AGBL1: variants seen among roughly 807,000 people sequenced by gnomAD.
AGBL1 encodes the protein AGBL carboxypeptidase 1, also known as cytosolic carboxypeptidase 4.
A neutral mutation model predicts 118.9 loss-of-function variants in AGBL1; 130 were observed. The ratio of observed to expected loss-of-function variants is 1.09; its 90% confidence interval spans 0.95 to 1.26. The LOEUF (loss-of-function observed/expected upper bound fraction) is 1.26, where lower values mean the gene tolerates loss of function less well. Among genes scored for constraint, AGBL1 ranks in the 50% most tolerant of loss-of-function variants. The probability of loss-of-function intolerance (pLI) is 0.00; values close to 1 mark genes in which losing one functional copy is unlikely to be tolerated. For missense variants in AGBL1, 1,584 were observed against 1,298.1 expected (o/e 1.22, Z -3.38); for synonymous variants, 555 against 478.9 (o/e 1.16, Z -2.08).
rs548494701 is a variant in AGBL1 at position 86,263,140 on chromosome 15, G to A, written c.1086+246G>A. On this transcript the variant is annotated intron_variant, in intron 10 of 22. Coordinates refer to ENST00000614907, the MANE Select transcript of AGBL1 (RefSeq NM_001386094.1). ...ACCTTACACTTAGGATGGATACAAG[G>A]TCATGTGCTGCATAATGACATTTCC... 3.3e-5 allele frequency among the ~76,000 whole-genome samples: 5 copies of A among 152,298 alleles called. No individual in the cohort carries two copies. The South Asian group carries it at 1.0e-3, about 32-fold the overall frequency.
intron 5 of AGBL1, among the ~76,000 whole-genome samples, chr15:86,177,865 C>T (rs1194674292): frequency 6.6e-6 from 1 of 151,346 alleles, no homozygotes; most frequent in East Asian, 1.9e-4. Context: ...ACCTCAGCTT[C>T]CACCATAAGA....
At chr15:86,356,363 C>G (rs960501805) in intron 17 of AGBL1, among the ~76,000 whole-genome samples, 1 of 148,962 alleles carries the variant, frequency 6.7e-6, no homozygotes, top group Non-Finnish European at 1.5e-5. Context: ...TGTGCGCGTG[C>G]GCCCGCACGC....
intron 5 of AGBL1, among the ~76,000 whole-genome samples, chr15:86,185,839 G>A (rs1249599939): frequency 6.6e-6 from 1 of 152,064 alleles, no homozygotes; most frequent in Non-Finnish European, 1.5e-5. Context: ...ACACCAACAT[G>A]GCACATGTAT....
rs189670050 is a variant in AGBL1 at position 86,471,068 on chromosome 15, G to A, written c.2556-51742G>A. Reference sequence around the variant, plus strand: ...AGGACTTCCAGTACTATACTGAATAGGAGTAGTGAGAGAGGGCATCCTTGC... The same window carrying A: ...AGGACTTCCAGTACTATACTGAATAAGAGTAGTGAGAGAGGGCATCCTTGC... On this transcript the variant is annotated intron_variant, in intron 18 of 22. Transcript: ENST00000614907. 5.8e-3 allele frequency among the ~76,000 whole-genome samples: 887 copies of A among 152,180 alleles called. 2 individuals carry two copies. Among genetic ancestry groups the A allele is most frequent in the Middle Eastern group, 0.037 (11 of 294 alleles).
chr15:86,404,861 A>T (rs1354423470), intron 18 of AGBL1, among the ~76,000 whole-genome samples: 1 of 152,170 alleles, frequency 6.6e-6, no homozygotes, highest in Non-Finnish European at 1.5e-5. Flanking sequence ...GTGTGTAGTC[A>T]ATAAGTGTGT....
At chr15:86,302,747 C>CCAG (rs1410656654) in intron 17 of AGBL1, among the ~76,000 whole-genome samples, 1 of 146,130 alleles carries the variant, frequency 6.8e-6, no homozygotes, top group Non-Finnish European at 1.5e-5. Context: ...CCACTGCACT[C>CCAG]CAGCCTGGAT....
At chr15:86,499,852 A>G (rs1470330994) in intron 18 of AGBL1, among the ~76,000 whole-genome samples, 1 of 151,936 alleles carries the variant, frequency 6.6e-6, no homozygotes, top group Admixed American at 6.6e-5. Context: ...CAGCAGAAAC[A>G]TTCTATTGTT....
chr15:86,960,818 G>A (rs918734493), intron 23 of AGBL1, among the ~76,000 whole-genome samples: 3 of 152,052 alleles, frequency 2.0e-5, no homozygotes, highest in African/African-American at 7.2e-5. Flanking sequence ...ATTATGCTAA[G>A]TGAAATAAGC....
In AGBL1 at chr15:86,352,271, G is replaced by T. The variant is rs1197840615; in HGVS notation, c.2375-45095G>T. 2.0e-5 allele frequency among the ~76,000 whole-genome samples: 3 copies of T among 152,262 alleles called. No individual in the cohort carries two copies. The East Asian group carries it at 5.8e-4, about 29-fold the overall frequency. On this transcript the variant is annotated intron_variant, in intron 17 of 22. Transcript: ENST00000614907. ...CTGAGAGATGAACTCTGACCAACTA[G>T]AAACAGAAGACAGGAAAGATACAGT...
At chr15:86,717,622 G>T (rs1484158540) in intron 22 of AGBL1, among the ~76,000 whole-genome samples, 1 of 152,124 alleles carries the variant, frequency 6.6e-6, no homozygotes, top group Non-Finnish European at 1.5e-5. Context: ...AGTAGCCTTA[G>T]CCAAGTAGAA....
chr15:86,224,908 C>G lies in AGBL1; in HGVS notation c.489-6C>G, dbSNP rs1470667194. 1.2e-6 allele frequency: 2 copies of G among 1,613,124 alleles called. No individual in the cohort carries two copies. The highest frequency in any genetic ancestry group is 3.3e-5 in the Admixed American group (2 of 59,974). Reference sequence around the variant, plus strand: ...TTGACTGTTACTTTTCTTTCTCTTTCCCCAGGGCAGCCACTGAAGTTTTGG... The same window carrying G: ...TTGACTGTTACTTTTCTTTCTCTTTGCCCAGGGCAGCCACTGAAGTTTTGG... On this transcript the variant is annotated splice_region_variant and splice_polypyrimidine_tract_variant and intron_variant, in intron 5 of 22. Transcript: ENST00000614907.
chr15:86,460,103 T>C (rs185736788), intron 18 of AGBL1, among the ~76,000 whole-genome samples: 6 of 152,080 alleles, frequency 3.9e-5, no homozygotes, highest in Non-Finnish European at 8.8e-5. Flanking sequence ...GTTTACTTGA[T>C]ACTCGGTTCA....
At chr15:86,965,337 G>A (rs1421247207) in intron 23 of AGBL1, among the ~76,000 whole-genome samples, 1 of 152,104 alleles carries the variant, frequency 6.6e-6, no homozygotes, top group African/African-American at 2.4e-5. Flanking sequence ...ACTGGTGTGA[G>A]ATGGTATCTC....
At chr15:86,243,422 G>C (rs2078669437) in intron 6 of AGBL1, among the ~76,000 whole-genome samples, 1 of 152,204 alleles carries the variant, frequency 6.6e-6, no homozygotes, top group Non-Finnish European at 1.5e-5. Context: ...CTACAAGTCA[G>C]GCCCTTGGAG....
chr15:86,365,660 T>C (rs550518177), intron 17 of AGBL1, among the ~76,000 whole-genome samples: 28 of 150,424 alleles, frequency 1.9e-4, no homozygotes, highest in Non-Finnish European at 3.6e-4. Flanking sequence ...TAGCCCTTTT[T>C]CTCACTCAAA....
At chr15:86,276,388 C>A (rs1343341663) in intron 15 of AGBL1, among the ~76,000 whole-genome samples, 1 of 152,194 alleles carries the variant, frequency 6.6e-6, no homozygotes, top group Non-Finnish European at 1.5e-5. Flanking sequence ...AGACACTTAA[C>A]CTCTGTGAGC....
At chr15:86,487,913 A>C (rs577417633) in intron 18 of AGBL1, among the ~76,000 whole-genome samples, 44 of 152,190 alleles carry the variant, frequency 2.9e-4, no homozygotes, top group Middle Eastern at 3.4e-3. Flanking sequence ...TGCCTGTTTT[A>C]TATCGGGGAT....
chr15:86,622,600 G>A (rs1252209443), intron 21 of AGBL1, among the ~76,000 whole-genome samples: 1 of 152,084 alleles, frequency 6.6e-6, no homozygotes, highest in African/African-American at 2.4e-5. Context: ...CCTTTGGGAA[G>A]GTAACATTTA....
chr15:86,525,341 T>C (rs377694232), intron 19 of AGBL1, among the ~76,000 whole-genome samples: 3 of 152,166 alleles, frequency 2.0e-5, no homozygotes, highest in African/African-American at 7.2e-5. Flanking sequence ...TCTACAGATT[T>C]AATGCAATTC....
Sources: allele counts gnomAD v4.1 joint callset (sites outside exome capture counted in the v4.1 genomes callset), GRCh38; gene constraint gnomAD v4.1.1; transcripts MANE v1.5; gene names NCBI Gene and HGNC (gene_info 2026-07-23, HGNC 2026-07-21).